RNF135: variants seen among roughly 807,000 people sequenced by gnomAD.
RNF135 encodes E3 ubiquitin-protein ligase RNF135.
A neutral mutation model predicts 41.9 loss-of-function variants in RNF135; 46 were observed. That is an observed-to-expected ratio of 1.10 (90% CI 0.87 to 1.40). The LOEUF (loss-of-function observed/expected upper bound fraction) is 1.40, where lower values mean the gene tolerates loss of function less well. Ranked by LOEUF, RNF135 falls within the 40% of genes most tolerant of loss-of-function variation. The probability of loss-of-function intolerance (pLI) is 0.00; values close to 1 mark genes in which losing one functional copy is unlikely to be tolerated. For synonymous variants in RNF135, 238 were observed against 223.8 expected (o/e 1.06, Z -0.57); for missense variants, 539 against 549.8 (o/e 0.98, Z 0.20).
intron 3 of RNF135, among the ~76,000 whole-genome samples, chr17:30,989,112 G>A (rs1478870860): frequency 2.0e-5 from 3 of 150,698 alleles, no homozygotes; most frequent in African/African-American, 4.9e-5. Flanking sequence ...GCTCACGCCT[G>A]TAATCCCAGT....
At chr17:30,960,002 A>AT in the RNF135 span, among the ~76,000 whole-genome samples, 2 of 151,268 alleles carry the variant, frequency 1.3e-5, no homozygotes, top group African/African-American at 4.9e-5. Flanking sequence ...AAAAAAAAAA[A>AT]GAAAAAGAAA....
intron 3 of RNF135, among the ~76,000 whole-genome samples, chr17:30,995,721 A>G (rs1013056918): frequency 1.9e-4 from 29 of 151,714 alleles, no homozygotes; most frequent in African/African-American, 6.8e-4. Flanking sequence ...ATGTCCTCCA[A>G]GCTCACCTAT....
At chr17:30,998,552 G>A (rs1908521836) in intron 4 of RNF135, 110 bp from the exon 5 acceptor site, 2 of 1,043,004 alleles carry the variant, frequency 1.9e-6, no homozygotes, top group Admixed American at 1.8e-5. Flanking sequence ...ATGCTAGTGT[G>A]AGTGAAACAT....
At chr17:30,994,796 G>T (rs1249658154) in intron 3 of RNF135, among the ~76,000 whole-genome samples, 1 of 150,866 alleles carries the variant, frequency 6.6e-6, no homozygotes, top group Non-Finnish European at 1.5e-5. Context: ...ACCACACCTG[G>T]CTAATTTTTT....
At chr17:30,976,640 G>A (rs1906482830) in intron 1 of RNF135, among the ~76,000 whole-genome samples, 1 of 152,056 alleles carries the variant, frequency 6.6e-6, no homozygotes, top group Admixed American at 6.5e-5. Context: ...CTTTAGTGTT[G>A]GTGCATATAT....
upstream of RNF135, chr17:30,971,020 G>A (rs978916222): frequency 2.2e-5 from 33 of 1,532,220 alleles, no homozygotes; most frequent in African/African-American, 4.3e-4. Context: ...GGAGGAGCCT[G>A]AGGAGACTCG....
the RNF135 span, among the ~76,000 whole-genome samples, chr17:30,963,843 T>C: frequency 6.6e-6 from 1 of 152,070 alleles, no homozygotes; most frequent in African/African-American, 2.4e-5. Flanking sequence ...AGGCCAGATG[T>C]GATGGCTCAT....
At chr17:30,988,231 C>T (rs1221570267) in intron 3 of RNF135, 125 bp downstream of exon 3, 9 of 940,650 alleles carry the variant, frequency 9.6e-6, no homozygotes, top group South Asian at 2.8e-5. Flanking sequence ...ACTGTGGTGT[C>T]GTGAATCAGG....
intron 1 of RNF135, among the ~76,000 whole-genome samples, chr17:30,982,522 C>G (rs1057100023): frequency 1.3e-5 from 2 of 152,180 alleles, no homozygotes; most frequent in East Asian, 3.8e-4. Flanking sequence ...AAGACTGTTT[C>G]TCCTACCCTC....
At chr17:30,988,928 T>C (rs574172393) in intron 3 of RNF135, among the ~76,000 whole-genome samples, 36 of 141,674 alleles carry the variant, frequency 2.5e-4, no homozygotes, top group South Asian at 8.7e-4. Context: ...TTCTTTCTTT[T>C]TTTTTTTTTT....
At chr17:30,961,627 T>C in the RNF135 span, among the ~76,000 whole-genome samples, 2 of 152,142 alleles carry the variant, frequency 1.3e-5, no homozygotes, top group Non-Finnish European at 2.9e-5. Context: ...CATGCCCAGC[T>C]AATTTTTGTA....
chr17:30,993,123 C>T (rs1019631504), intron 3 of RNF135, among the ~76,000 whole-genome samples: 54 of 151,076 alleles, frequency 3.6e-4, no homozygotes, highest in African/African-American at 1.1e-3. Flanking sequence ...TGCAGTGGCG[C>T]GATCTCGGCT....
At chr17:30,970,968 G>T (rs987385527), upstream of RNF135, 1 of 1,466,462 alleles carries the variant, frequency 6.8e-7, no homozygotes, top group Non-Finnish European at 9.2e-7. Context: ...GAGAAAAGGC[G>T]GCCGAGAAAA....
chr17:30,995,463 C>A (rs916713445), intron 3 of RNF135, among the ~76,000 whole-genome samples: 2 of 152,058 alleles, frequency 1.3e-5, no homozygotes, highest in African/African-American at 4.8e-5. Flanking sequence ...CTCCTCCTGG[C>A]CTCAAGTGAG....
intron 1 of RNF135, among the ~76,000 whole-genome samples, chr17:30,974,257 T>A (rs1906243035): frequency 6.6e-6 from 1 of 152,218 alleles, no homozygotes; most frequent in Non-Finnish European, 1.5e-5. Context: ...CATTGGTCTA[T>A]ATGTCTGTAC....
chr17:30,974,688 A>AT (rs887519982), intron 1 of RNF135, among the ~76,000 whole-genome samples: 14 of 145,314 alleles, frequency 9.6e-5, no homozygotes, highest in East Asian at 6.0e-4. Flanking sequence ...TATTATTATT[A>AT]TTTTTTTTTG....
chr17:30,965,660 G>T, the RNF135 span, among the ~76,000 whole-genome samples: 1 of 151,998 alleles, frequency 6.6e-6, no homozygotes, highest in African/African-American at 2.4e-5. Context: ...AGTAAAGAAA[G>T]AGTTTAATTA....
In RNF135 at chr17:30,999,360, C is replaced by T. The variant is rs547848086; in HGVS notation, c.*169C>T. 8 of 708,706 alleles carry T rather than the reference C, an allele frequency of 1.1e-5. No homozygotes were observed. The highest frequency in any genetic ancestry group is 5.3e-5 in the African/African-American group (3 of 56,894). 43.9% of individuals were successfully genotyped at this position (708,706 alleles called of 1,614,324 possible). The stretch of plus-strand genomic sequence containing the variant: ...AATTCCTGGTCTCAAGCAGTCCTCC[C>T]ACCTCAGCCTCCCAAGGTGCTGGGA... On this transcript the variant is annotated 3_prime_UTR_variant, in exon 5 of 5. Transcript: ENST00000328381.
intron 3 of RNF135, among the ~76,000 whole-genome samples, chr17:30,989,093 A>T: frequency 6.7e-6 from 1 of 148,400 alleles, no homozygotes; most frequent in Admixed American, 6.7e-5. Flanking sequence ...ATATAGGCCA[A>T]GTGCAGTGGC....
Sources: gnomAD v4.1 joint callset for allele counts (sites outside exome capture counted in the v4.1 genomes callset) on GRCh38, gnomAD v4.1.1 for gene constraint, MANE v1.5 for transcripts, NCBI Gene and HGNC (gene_info 2026-07-23, HGNC 2026-07-21) for gene names.